ARHGEF18: variants seen among roughly 807,000 people sequenced by gnomAD.
ARHGEF18 encodes rho guanine nucleotide exchange factor 18.
ARHGEF18 carries 93 observed loss-of-function variants against 155.7 expected under a neutral mutation model. That is an observed-to-expected ratio of 0.60 (90% CI 0.50 to 0.71). The LOEUF is 0.71. Among genes scored for constraint, ARHGEF18 ranks in the 30% least tolerant of loss-of-function variants. ARHGEF18 has a pLI of 0.00. For missense variants in ARHGEF18, 1,593 were observed against 1,816.1 expected, an observed-to-expected ratio of 0.88 and a Z score of 2.23; for synonymous variants, 742 against 753.1, an observed-to-expected ratio of 0.99 and a Z score of 0.24.
At chr19:7,386,410 G>A (rs796325485) in intron 10 of ARHGEF18, among the ~76,000 whole-genome samples, 1 of 151,954 alleles carries the variant, frequency 6.6e-6, no homozygotes, top group East Asian at 1.9e-4. Flanking sequence ...TGGCAGGAGC[G>A]CCTCTAGCTA....
chr19:7,362,327 T>TGGAGGA (rs925472699), intron 1 of ARHGEF18, among the ~76,000 whole-genome samples: 3,313 of 128,068 alleles, frequency 0.026, 304 homozygotes, highest in African/African-American at 0.13. Context: ...AGGAAGAAGG[T>TGGAGGA]GGAGGAGGAG....
At chr19:7,422,246 C>G (rs890214319) in intron 10 of ARHGEF18, among the ~76,000 whole-genome samples, 1 of 152,040 alleles carries the variant, frequency 6.6e-6, no homozygotes, top group African/African-American at 2.4e-5. Flanking sequence ...GGAAGAGTGT[C>G]GTAGGGCAGC....
Position 7,440,306 on chromosome 19 carries a change from C to T in ARHGEF18, c.968-38C>T, listed in dbSNP as rs568508902. ...CCGGGGACCTCCGCTACCCGACCCA[C>T]TTTCTCAGCACCAACTCTGTCCTTG... On this transcript the variant is annotated intron_variant, in intron 10 of 28. Transcript: ENST00000668164. This position sits in a 1 kb window ranked among gnomAD's most constrained non-coding sequence, Gnocchi z 5.4. 8.8e-5 allele frequency: 141 copies of T among 1,599,864 alleles called. No individual in the cohort carries two copies. Among genetic ancestry groups the T allele is most frequent in the Middle Eastern group, 6.6e-4 (4 of 6,044 alleles).
intron 10 of ARHGEF18, among the ~76,000 whole-genome samples, chr19:7,389,471 C>A (rs763403635): frequency 7.2e-6 from 1 of 139,140 alleles, no homozygotes; most frequent in South Asian, 2.5e-4. Flanking sequence ...ACATTTTCTT[C>A]CTTCCTTCCT....
chr19:7,426,301 A>G (rs138595357), intron 10 of ARHGEF18, among the ~76,000 whole-genome samples: 1,670 of 152,186 alleles, frequency 0.011, 40 homozygotes, highest in African/African-American at 0.037. Context: ...CAGCCTGGCC[A>G]ACATGATGAA....
chr19:7,407,185 G>A (rs1437581085), intron 10 of ARHGEF18, among the ~76,000 whole-genome samples: 2 of 151,996 alleles, frequency 1.3e-5, no homozygotes, highest in Non-Finnish European at 2.9e-5. Flanking sequence ...AGCACTTTGG[G>A]AGGCCAAGGT....
At chr19:7,392,240 CAAAAAAAAAAA>C (rs3997574) in intron 10 of ARHGEF18, among the ~76,000 whole-genome samples, 1 of 72,048 alleles carries the variant, frequency 1.4e-5, no homozygotes, top group Admixed American at 1.5e-4. Flanking sequence ...GACTCCGTCT[CAAAAAAAAAAA>C]AAAAAAAAAA....
chr19:7,378,025 G>A (rs56230911), intron 5 of ARHGEF18, among the ~76,000 whole-genome samples: 35,969 of 151,970 alleles, frequency 0.24, 4,464 homozygotes, highest in Non-Finnish European at 0.27. Flanking sequence ...CCCAGGAGGC[G>A]GAGGTTGCAG....
At chr19:7,412,184 C>T (rs547856266) in intron 10 of ARHGEF18, among the ~76,000 whole-genome samples, 4 of 151,616 alleles carry the variant, frequency 2.6e-5, no homozygotes, top group African/African-American at 7.3e-5. Context: ...TACAGGGGCG[C>T]GCCACCACAC....
intron 10 of ARHGEF18, among the ~76,000 whole-genome samples, chr19:7,419,477 G>A (rs920201786): frequency 2.6e-5 from 4 of 151,992 alleles, no homozygotes; most frequent in East Asian, 1.9e-4. Context: ...ACCACAGCCT[G>A]GGCAGCCCAT....
intron 1 of ARHGEF18, among the ~76,000 whole-genome samples, chr19:7,352,537 T>TTC (rs1395285787): frequency 1.5e-5 from 2 of 134,514 alleles, no homozygotes; most frequent in Non-Finnish European, 3.2e-5. Context: ...TTTCCTTTTT[T>TTC]TTTTTTTTTT....
At chr19:7,434,175 TAG>T (rs1477701718) in intron 10 of ARHGEF18, among the ~76,000 whole-genome samples, 5 of 152,046 alleles carry the variant, frequency 3.3e-5, no homozygotes, top group Non-Finnish European at 4.4e-5. Context: ...AAAAAATTTA[TAG>T]AGACAGGGTC....
At chr19:7,423,706 C>CA (rs752705832) in intron 10 of ARHGEF18, among the ~76,000 whole-genome samples, 1,918 of 103,176 alleles carry the variant, frequency 0.019, 29 homozygotes, top group African/African-American at 0.036. Flanking sequence ...GACTCTATCT[C>CA]AAAAAAAAAA....
intron 10 of ARHGEF18, among the ~76,000 whole-genome samples, chr19:7,420,242 G>A (rs1973272656): frequency 6.6e-6 from 1 of 152,044 alleles, no homozygotes; most frequent in African/African-American, 2.4e-5. Flanking sequence ...GGCTACAGGT[G>A]TATGCCACCA....
Position 7,467,556 on chromosome 19 carries a change from C to T in ARHGEF18, c.3352C>T (p.His1118Tyr). The part of the protein sequence containing the change: ...ELERQRQAYQ[H>Y]DLERLREAQR... ...GGAGCGCCAGCGCCAGGCCTACCAG[C>T]ACGACCTGGAGCGGCTGCGCGAGGC... The change falls in exon 26 of 29, where the codon CAC becomes TAC. Residue 1118 changes from histidine (H) to tyrosine (Y), a missense_variant. Transcript: ENST00000668164. 6.7e-7 allele frequency: 1 copy of T among 1,482,520 alleles called. No homozygotes were observed. Among genetic ancestry groups the T allele is most frequent in the Non-Finnish European group, 8.9e-7 (1 of 1,125,752 alleles). 91.8% of individuals were successfully genotyped at this position (1,482,520 alleles called of 1,614,324 possible).
rs1212685132 is a variant in ARHGEF18 at position 7,444,388 on chromosome 19, G to A, written c.1545G>A (p.Glu515=). ...CTCGGCTCAAGGAGCGCCGCCAGGA[G>A]TCCCTGGAGGAGGGCAGTGACCGGA... ...FLARLKERRQ[E]SLEEGSDRNY... Residue 515 remains glutamate, a synonymous_variant, in exon 14 of 29, where the codon GAG becomes GAA. Coordinates refer to ENST00000668164, the MANE Select transcript of ARHGEF18 (RefSeq NM_001367823.1). The surrounding 1 kb of genome is among the most constrained non-coding windows in gnomAD (Gnocchi z 4.7). 1 of 1,613,624 alleles carries A rather than the reference G, an allele frequency of 6.2e-7. No individual in the cohort carries two copies. The highest frequency in any genetic ancestry group is 1.3e-5 in the African/African-American group (1 of 74,950).
intron 10 of ARHGEF18, among the ~76,000 whole-genome samples, chr19:7,407,255 G>A (rs1291478144): frequency 6.3e-5 from 9 of 142,268 alleles, no homozygotes; most frequent in Non-Finnish European, 1.2e-4. Context: ...TGAAAACCCC[G>A]TCTCTACTAA....
intron 10 of ARHGEF18, among the ~76,000 whole-genome samples, chr19:7,430,932 C>T (rs1973923948): frequency 6.6e-6 from 1 of 152,092 alleles, no homozygotes; most frequent in African/African-American, 2.4e-5. Context: ...TTTGGGAGGC[C>T]AAGGCAAAAG....
chr19:7,397,448 T>G (rs577321843), intron 10 of ARHGEF18, among the ~76,000 whole-genome samples: 60 of 151,678 alleles, frequency 4.0e-4, no homozygotes, highest in African/African-American at 1.4e-3. Context: ...AAAAATTTTT[T>G]GGGCCGGGTG....
Sources: allele counts gnomAD v4.1 joint callset (sites outside exome capture counted in the v4.1 genomes callset), GRCh38; gene constraint gnomAD v4.1.1; non-coding constraint Gnocchi (gnomAD v3.1); transcripts MANE v1.5; gene names NCBI Gene and HGNC (gene_info 2026-07-23, HGNC 2026-07-21).